Variants in SNTG1 observed in about 807,000 individuals in gnomAD.
SNTG1 encodes the protein gamma-1-syntrophin.
In SNTG1, 39 loss-of-function variants were observed where a neutral mutation model predicts 74.7. That is an observed-to-expected ratio of 0.52 (90% CI 0.40 to 0.68). The LOEUF is 0.68. Among genes scored for constraint, SNTG1 ranks in the 30% least tolerant of loss-of-function variants. The pLI, the probability that SNTG1 is intolerant of heterozygous loss-of-function variation, is 0.00. For synonymous variants in SNTG1, 254 were observed against 217.1 expected (o/e 1.17, Z -1.49); for missense variants, 685 against 609.5 (o/e 1.12, Z -1.30).
In SNTG1 at chr8:50,452,949, A is replaced by T. The variant is rs150570536; in HGVS notation, c.363+2220A>T. On this transcript the variant is annotated intron_variant, in intron 8 of 18. Coordinates refer to ENST00000642720, the MANE Select transcript of SNTG1 (RefSeq NM_018967.5). ...TAGGTGGTTTTGAGCTAGCATGCTG[A>T]TGTACCACATTTCTTATTCCAAATA... is the stretch of plus-strand genomic sequence containing the variant. 2.2e-4 allele frequency among the ~76,000 whole-genome samples: 33 copies of T among 152,326 alleles called. 2 individuals are homozygous for T. The highest frequency in any genetic ancestry group is 7.0e-4 in the African/African-American group (29 of 41,590).
At chr8:50,503,600 C>T (rs1442827208) in intron 9 of SNTG1, among the ~76,000 whole-genome samples, 4 of 152,148 alleles carry the variant, frequency 2.6e-5, no homozygotes, top group Non-Finnish European at 4.4e-5. Flanking sequence ...TCTTCTAGAA[C>T]TTTACAGAAT....
At chr8:50,761,268 G>A (rs1047345383) in intron 18 of SNTG1, among the ~76,000 whole-genome samples, 3 of 151,752 alleles carry the variant, frequency 2.0e-5, no homozygotes, top group African/African-American at 4.8e-5. Context: ...CCAATGCAAC[G>A]TTTTCCTGAT....
intron 1 of SNTG1, among the ~76,000 whole-genome samples, chr8:50,006,381 G>A (rs2130510574): frequency 6.6e-6 from 1 of 152,182 alleles, no homozygotes; most frequent in Non-Finnish European, 1.5e-5. Context: ...TAAAATTCTT[G>A]TCAGATAATT....
intron 1 of SNTG1, among the ~76,000 whole-genome samples, chr8:50,077,791 A>G (rs890050981): frequency 7.2e-5 from 11 of 152,110 alleles, no homozygotes; most frequent in Non-Finnish European, 1.0e-4. Context: ...GCCTAAATGA[A>G]TATCATAAAG....
intron 18 of SNTG1, among the ~76,000 whole-genome samples, chr8:50,769,897 T>C (rs2095623004): frequency 6.6e-6 from 1 of 152,110 alleles, no homozygotes; most frequent in African/African-American, 2.4e-5. Flanking sequence ...TAAAAGATTT[T>C]GAAGCAAGCA....
At chr8:49,947,989 G>A (rs1809358660) in intron 1 of SNTG1, among the ~76,000 whole-genome samples, 1 of 151,966 alleles carries the variant, frequency 6.6e-6, no homozygotes, top group South Asian at 2.1e-4. Context: ...AAATTAGCTG[G>A]TTATGGTGTC....
intron 1 of SNTG1, among the ~76,000 whole-genome samples, chr8:49,947,645 T>G (rs1809320795): frequency 6.6e-6 from 1 of 152,224 alleles, no homozygotes; most frequent in South Asian, 2.1e-4. Flanking sequence ...AAGTTGTACA[T>G]TGCTAGAAGA....
intron 2 of SNTG1, among the ~76,000 whole-genome samples, chr8:50,363,124 A>G (rs2131085056): frequency 6.6e-6 from 1 of 152,280 alleles, no homozygotes; most frequent in Non-Finnish European, 1.5e-5. Context: ...CCCAGTGGTA[A>G]AGCCTAGAGA....
At chr8:50,266,198 C>A (rs1309747231) in intron 2 of SNTG1, among the ~76,000 whole-genome samples, 1 of 151,914 alleles carries the variant, frequency 6.6e-6, no homozygotes, top group Non-Finnish European at 1.5e-5. Context: ...ACTTCAAAGC[C>A]ACAGTGAGCA....
intron 1 of SNTG1, among the ~76,000 whole-genome samples, chr8:49,946,738 C>T (rs1057464392): frequency 5.9e-5 from 9 of 152,088 alleles, no homozygotes; most frequent in East Asian, 3.9e-4. Flanking sequence ...AACCATTACA[C>T]GATATTCTTG....
At chr8:50,174,060 T>C (rs765771861) in intron 2 of SNTG1, among the ~76,000 whole-genome samples, 2 of 152,184 alleles carry the variant, frequency 1.3e-5, no homozygotes, top group Non-Finnish European at 2.9e-5. Flanking sequence ...GTTATTGAGC[T>C]CCCACTTACA....
chr8:50,036,566 C>T (rs755617436), intron 1 of SNTG1, among the ~76,000 whole-genome samples: 5 of 152,188 alleles, frequency 3.3e-5, no homozygotes, highest in Non-Finnish European at 7.4e-5. Context: ...CCTCACTAGA[C>T]GAGACCTCCT....
At chr8:50,030,909 C>T (rs12543077) in intron 1 of SNTG1, among the ~76,000 whole-genome samples, 67,624 of 151,630 alleles carry the variant, frequency 0.45, 18,758 homozygotes, top group East Asian at 0.59. Flanking sequence ...TTATGTTAAA[C>T]CTGTATACAC....
In SNTG1 at chr8:49,954,529, A is replaced by C. The variant is rs1383235157; in HGVS notation, c.-103+42298A>C. Among the ~76,000 whole-genome samples the C allele has an allele frequency of 3.3e-5, 5 of 152,184 alleles. No individual in the cohort carries two copies. In the South Asian group the frequency reaches 8.3e-4, roughly 25 times the overall value. ...GTACTCAAAAGCAATACTTGAAAGA[A>C]CCAGAAACTGTATTTTCTCTGCAGT... On this transcript the variant is annotated intron_variant, in intron 1 of 18. Coordinates refer to ENST00000642720, the MANE Select transcript of SNTG1 (RefSeq NM_018967.5).
chr8:50,254,521 A>C (rs1173109538), intron 2 of SNTG1, among the ~76,000 whole-genome samples: 1 of 152,112 alleles, frequency 6.6e-6, no homozygotes, highest in East Asian at 1.9e-4. Flanking sequence ...GAACTATGAC[A>C]AGACTAAAAG....
At chr8:50,450,479 T>C in intron 6 of SNTG1, 77 bp from the exon 7 acceptor site, 1 of 1,449,282 alleles carries the variant, frequency 6.9e-7, no homozygotes, top group Non-Finnish European at 9.6e-7. Flanking sequence ...AAATTTTACC[T>C]TTATTTAATT....
intron 15 of SNTG1, among the ~76,000 whole-genome samples, chr8:50,701,819 TCTCCTC>T (rs748825249): frequency 2.8e-5 from 4 of 144,300 alleles, no homozygotes; most frequent in Non-Finnish European, 3.0e-5. Context: ...TTCTTCTTCT[TCTCCTC>T]CTCCTCCTCC....
chr8:50,107,092 T>C (rs939826113), intron 1 of SNTG1, among the ~76,000 whole-genome samples: 4 of 152,164 alleles, frequency 2.6e-5, no homozygotes, highest in African/African-American at 4.8e-5. Flanking sequence ...TTAAAAGAAT[T>C]ACAGAATGTA....
chr8:50,411,477 A>AG (rs1477955883), intron 4 of SNTG1, among the ~76,000 whole-genome samples: 1 of 129,716 alleles, frequency 7.7e-6, no homozygotes, highest in African/African-American at 2.9e-5. Flanking sequence ...ACTCCATCTC[A>AG]AAAAAAAAAT....
Sources: gnomAD v4.1 joint callset for allele counts (sites outside exome capture counted in the v4.1 genomes callset) on GRCh38, gnomAD v4.1.1 for gene constraint, MANE v1.5 for transcripts, NCBI Gene and HGNC (gene_info 2026-07-23, HGNC 2026-07-21) for gene names.